The following SMURF1 variants were observed in gnomAD, a reference collection of about 807,000 sequenced individuals.
The protein encoded by SMURF1 is E3 ubiquitin-protein ligase SMURF1.
SMURF1 carries 44 observed loss-of-function variants against 98.0 expected under a neutral mutation model. The observed-to-expected ratio is 0.45, with a 90% CI of 0.35 to 0.58. The LOEUF (loss-of-function observed/expected upper bound fraction) is 0.58. Among genes scored for constraint, SMURF1 ranks in the 20% least tolerant of loss-of-function variants. The probability of loss-of-function intolerance (pLI) is 0.00; values close to 1 mark genes in which losing one functional copy is unlikely to be tolerated. For missense variants in SMURF1, 687 were observed against 938.4 expected (o/e 0.73, Z 3.50); for synonymous variants, 396 against 374.9 (o/e 1.06, Z -0.65).
chr7:99,126,454 G>A (rs553368959), intron 1 of SMURF1, among the ~76,000 whole-genome samples: 3 of 151,402 alleles, frequency 2.0e-5, no homozygotes, highest in Non-Finnish European at 2.9e-5. Context: ...TCAGATGTTC[G>A]AGACCAGCCT....
At chr7:99,032,958 AAAC>A (rs1444261836) in intron 17 of SMURF1, 76 bp downstream of exon 17, 17 of 1,492,984 alleles carry the variant, frequency 1.1e-5, no homozygotes, top group East Asian at 9.1e-5. Context: ...TCTCAAAAAA[AAAC>A]AACAAAAAAA....
intron 13 of SMURF1, 37 bp from the exon 14 acceptor site, chr7:99,038,562 C>T: frequency 1.2e-6 from 2 of 1,601,250 alleles, no homozygotes; most frequent in South Asian, 1.1e-5. Context: ...GGTTAGAACT[C>T]TGCCACCACG....
chr7:99,085,161 G>T (rs1351648070), intron 1 of SMURF1, among the ~76,000 whole-genome samples: 1 of 151,824 alleles, frequency 6.6e-6, no homozygotes, highest in East Asian at 1.9e-4. Flanking sequence ...GACCAGCCTG[G>T]CCAACATGGC....
intron 1 of SMURF1, among the ~76,000 whole-genome samples, chr7:99,124,379 A>G (rs976212593): frequency 1.3e-5 from 2 of 152,196 alleles, no homozygotes; most frequent in Admixed American, 1.3e-4. Flanking sequence ...GGCACTCCAA[A>G]GTCCCAATAC....
At chr7:99,095,554 T>G (rs1246640803) in intron 1 of SMURF1, among the ~76,000 whole-genome samples, 1 of 152,206 alleles carries the variant, frequency 6.6e-6, no homozygotes, top group African/African-American at 2.4e-5. Context: ...AAGACACTTA[T>G]TATTTTTAGT....
intron 1 of SMURF1, among the ~76,000 whole-genome samples, chr7:99,082,503 T>A (rs1234898293): frequency 6.6e-6 from 1 of 152,256 alleles, no homozygotes; most frequent in Non-Finnish European, 1.5e-5. Flanking sequence ...TTGTCATCAC[T>A]GTTGAAAATC....
chr7:99,076,660 G>A (rs1196410344), intron 1 of SMURF1, among the ~76,000 whole-genome samples: 1 of 152,216 alleles, frequency 6.6e-6, no homozygotes, highest in Non-Finnish European at 1.5e-5. Flanking sequence ...TAAAAAATAA[G>A]ACAGTGAAAG....
intron 1 of SMURF1, among the ~76,000 whole-genome samples, chr7:99,128,648 G>T (rs1023167880): frequency 6.6e-6 from 1 of 152,160 alleles, no homozygotes; most frequent in African/African-American, 2.4e-5. Flanking sequence ...CAACTACCAC[G>T]CATTGCTTTC....
At chr7:99,126,327 C>A (rs1439582422) in intron 1 of SMURF1, among the ~76,000 whole-genome samples, 1 of 151,028 alleles carries the variant, frequency 6.6e-6, no homozygotes, top group African/African-American at 2.4e-5. Context: ...CTTCTTTATA[C>A]TTTTCAATAA....
intron 13 of SMURF1, 89 bp downstream of exon 13, chr7:99,040,289 A>G: frequency 7.9e-7 from 1 of 1,260,852 alleles, no homozygotes; most frequent in Non-Finnish European, 1.0e-6. Context: ...CAAAATACAC[A>G]CACACGCGCG....
chr7:99,114,054 CTG>C (rs1222822463), intron 1 of SMURF1, among the ~76,000 whole-genome samples: 1 of 151,816 alleles, frequency 6.6e-6, no homozygotes, highest in Non-Finnish European at 1.5e-5. Flanking sequence ...AAGATATAAT[CTG>C]TGACAATAAC....
chr7:99,079,865 C>G (rs1344637331), intron 1 of SMURF1, among the ~76,000 whole-genome samples: 2 of 151,796 alleles, frequency 1.3e-5, no homozygotes, highest in African/African-American at 4.8e-5. Context: ...AATGAATAAC[C>G]TACACTTTCA....
chr7:99,029,751 T>C lies in SMURF1; in HGVS notation c.*833A>G, dbSNP rs185803688. 6 of 152,302 alleles carry C rather than the reference T, an allele frequency of 3.9e-5. No individual in the cohort carries two copies. The East Asian group carries it at 1.2e-3, about 29-fold the overall frequency. The allele number at this position is 152,302 out of a possible 1,614,324, so 9.4% of individuals were successfully genotyped here. ...AACAGTGGCACAGAGGTCACAGCTT[T>C]GGGACTGACTGGTTGGCTCTAGGGC... On this transcript the variant is annotated 3_prime_UTR_variant, in exon 18 of 18. Transcript: ENST00000361368.
At chr7:99,125,635 C>T (rs1050783490) in intron 1 of SMURF1, among the ~76,000 whole-genome samples, 1 of 152,204 alleles carries the variant, frequency 6.6e-6, no homozygotes, top group Non-Finnish European at 1.5e-5. Context: ...ATTACCTATA[C>T]ACTTACCCGT....
In SMURF1 at chr7:99,041,647, G is replaced by A. The variant is rs187989242; in HGVS notation, c.1371+471C>T. Among the ~76,000 whole-genome samples the A allele has an allele frequency of 9.9e-3, 1,508 of 152,316 alleles. 8 individuals carry two copies. The highest frequency in any genetic ancestry group is 0.016 in the Non-Finnish European group (1,060 of 68,032). On this transcript the variant is annotated intron_variant, in intron 12 of 17. Transcript: ENST00000361368. ...CCACAGGAGGAGTCCCCTGCTGGCC[G>A]GCTGCCCACCCTTGAGCTGGGCGTG...
chr7:99,142,113 G>A (rs1347062452), intron 1 of SMURF1, among the ~76,000 whole-genome samples: 2 of 152,226 alleles, frequency 1.3e-5, no homozygotes, highest in Non-Finnish European at 2.9e-5. Flanking sequence ...GGAGCCCGGG[G>A]GGAAACAGGT....
chr7:99,082,185 G>T (rs1458080867), intron 1 of SMURF1, among the ~76,000 whole-genome samples: 5 of 152,192 alleles, frequency 3.3e-5, no homozygotes, highest in African/African-American at 9.6e-5. Flanking sequence ...TTAGAGACAA[G>T]ACCCTTTTCA....
At chr7:99,049,749 G>A in intron 8 of SMURF1, 40 bp from the exon 9 acceptor site, 2 of 1,592,358 alleles carry the variant, frequency 1.3e-6, no homozygotes, top group Non-Finnish European at 1.7e-6. Context: ...GTCCAACTGA[G>A]TATGGAGGAA....
At chr7:99,102,170 A>C (rs1203657397) in intron 1 of SMURF1, among the ~76,000 whole-genome samples, 1 of 152,146 alleles carries the variant, frequency 6.6e-6, no homozygotes, top group Non-Finnish European at 1.5e-5. Flanking sequence ...ATAGGATCCT[A>C]TACATAGTAA....
Sources: gnomAD v4.1 joint callset for allele counts (sites outside exome capture counted in the v4.1 genomes callset) on GRCh38, gnomAD v4.1.1 for gene constraint, MANE v1.5 for transcripts, NCBI Gene and HGNC (gene_info 2026-07-23, HGNC 2026-07-21) for gene names.